SLC35D2: variants seen among roughly 807,000 people sequenced by gnomAD.
SLC35D2 encodes solute carrier family 35 member D2, also known as nucleotide sugar transporter SLC35D2.
A neutral mutation model predicts 41.8 loss-of-function variants in SLC35D2; 43 were observed. The ratio of observed to expected loss-of-function variants is 1.03; its 90% CI spans 0.81 to 1.33. SLC35D2 has a LOEUF of 1.33. SLC35D2 is among the 40% of genes most tolerant of loss of function. SLC35D2 has a pLI of 0.00. For missense variants in SLC35D2, 380 were observed against 408.4 expected, an observed-to-expected ratio of 0.93 and a Z score of 0.60; for synonymous variants, 150 against 163.9, an observed-to-expected ratio of 0.92 and a Z score of 0.65.
At chr9:96,341,034 C>A (rs1319781633) in intron 8 of SLC35D2, among the ~76,000 whole-genome samples, 1 of 152,084 alleles carries the variant, frequency 6.6e-6, no homozygotes, top group African/African-American at 2.4e-5. Context: ...CCCCTGTAAT[C>A]CCAGCACTTT....
chr9:96,338,678 G>A (rs932768791), intron 8 of SLC35D2, among the ~76,000 whole-genome samples: 15 of 151,958 alleles, frequency 9.9e-5, no homozygotes, highest in East Asian at 5.8e-4. Context: ...GTTTCCTTGC[G>A]TCATAACACT....
chr9:96,360,104 G>A, intron 4 of SLC35D2, 50 bp downstream of exon 4: 1 of 1,368,000 alleles, frequency 7.3e-7, no homozygotes, highest in Non-Finnish European at 1.0e-6. Flanking sequence ...TTGTACCACT[G>A]GCAGCACAGA....
At chr9:96,328,285 G>A (rs1479645786) in intron 9 of SLC35D2, among the ~76,000 whole-genome samples, 1 of 152,036 alleles carries the variant, frequency 6.6e-6, no homozygotes, top group African/African-American at 2.4e-5. Flanking sequence ...TGCTCAGGCT[G>A]GAGTACAGTG....
chr9:96,334,987 G>A (rs1056756157), intron 9 of SLC35D2, among the ~76,000 whole-genome samples: 4 of 152,192 alleles, frequency 2.6e-5, no homozygotes, highest in African/African-American at 9.6e-5. Context: ...GAGAACTAAT[G>A]AATGGAAGAT....
chr9:96,374,268 C>T (rs989344058), intron 1 of SLC35D2, among the ~76,000 whole-genome samples: 1 of 152,094 alleles, frequency 6.6e-6, no homozygotes, highest in Non-Finnish European at 1.5e-5. Flanking sequence ...TGGTGGCTCA[C>T]GCACGGCCTG....
chr9:96,352,039 CA>C lies in SLC35D2; in HGVS notation c.417del (p.Lys141SerfsTer20). 1 of 1,607,754 alleles carries C rather than the reference CA, an allele frequency of 6.2e-7. No homozygotes were observed. The highest frequency in any genetic ancestry group is 8.5e-7 in the Non-Finnish European group (1 of 1,175,154). On this transcript the variant is annotated frameshift_variant and splice_region_variant, in exon 5 of 12. Coordinates refer to ENST00000253270, the MANE Select transcript of SLC35D2 (RefSeq NM_007001.3). LOFTEE classifies it high-confidence loss of function. ...AGAATGGAGGAAAAACAAAATCACC[CA>C]AGTATGATGGTTTCCAGAAGTAAGG... ...PLTLLLETII[L>X]GKQYSLNIIL...
chr9:96,368,405 G>T, intron 1 of SLC35D2, 100 bp from the exon 2 acceptor site: 2 of 917,080 alleles, frequency 2.2e-6, no homozygotes, highest in Non-Finnish European at 3.3e-6. Context: ...CTGAGAAAAT[G>T]AAAATTTATC....
At chr9:96,344,271 G>C (rs1159895804) in intron 7 of SLC35D2, among the ~76,000 whole-genome samples, 1 of 152,064 alleles carries the variant, frequency 6.6e-6, no homozygotes, top group East Asian at 1.9e-4. Flanking sequence ...TTCTAATTAT[G>C]TGGGGTTTTT....
At chr9:96,321,973 G>T in intron 11 of SLC35D2, 25 bp downstream of exon 11, 1 of 1,315,558 alleles carries the variant, frequency 7.6e-7, no homozygotes, top group Non-Finnish European at 1.1e-6. Context: ...TTCCCAAAGC[G>T]AGTCCATTAA....
intron 1 of SLC35D2, among the ~76,000 whole-genome samples, chr9:96,375,687 G>T (rs1830915339): frequency 6.6e-6 from 1 of 152,088 alleles, no homozygotes. Context: ...GTGAACATGA[G>T]GAAGTGAAGA....
intron 6 of SLC35D2, among the ~76,000 whole-genome samples, chr9:96,345,737 C>T (rs1395070071): frequency 6.6e-6 from 1 of 152,166 alleles, no homozygotes; most frequent in African/African-American, 2.4e-5. Context: ...CCGATCCACC[C>T]AGGGGCTCTG....
At chr9:96,351,219 C>T (rs1829801090) in intron 5 of SLC35D2, 48 bp from the exon 6 acceptor site, 2 of 1,272,104 alleles carry the variant, frequency 1.6e-6, no homozygotes, top group Admixed American at 3.5e-5. Context: ...GAGAGGAAAA[C>T]ATTGAAATAT....
In SLC35D2 at chr9:96,352,124, G is replaced by A; in HGVS notation, c.348-15C>T. 1.3e-6 allele frequency: 2 copies of A among 1,594,868 alleles called. No homozygotes were observed. The highest frequency in any genetic ancestry group is 1.7e-6 in the Non-Finnish European group (2 of 1,164,268). On this transcript the variant is annotated splice_polypyrimidine_tract_variant and intron_variant, in intron 4 of 11. Coordinates refer to ENST00000253270, the MANE Select transcript of SLC35D2 (RefSeq NM_007001.3). ...ACATCGGTAGGCTGCCAGGAAAAGA[G>A]TGAAGCATGTCAGACACCAAGGGTT...
intron 4 of SLC35D2, among the ~76,000 whole-genome samples, chr9:96,357,706 C>T (rs1240380754): frequency 2.6e-5 from 4 of 151,888 alleles, no homozygotes; most frequent in African/African-American, 9.7e-5. Context: ...GTACAAGCAA[C>T]AAAAGAAAAA....
intron 9 of SLC35D2, among the ~76,000 whole-genome samples, chr9:96,329,973 G>A (rs1238034111): frequency 1.3e-5 from 2 of 152,228 alleles, no homozygotes; most frequent in African/African-American, 4.8e-5. Context: ...CTGCAAGTTG[G>A]AGACCCTGAG....
chr9:96,322,092 G>A lies in SLC35D2; in HGVS notation c.832-12C>T, dbSNP rs1204500501. The A allele has an allele frequency of 6.6e-7, 1 of 1,524,158 alleles. No homozygotes were observed. Among genetic ancestry groups the A allele is most frequent in the Non-Finnish European group, 9.1e-7 (1 of 1,104,656 alleles). 94.4% of individuals were successfully genotyped at this position (1,524,158 alleles called of 1,614,324 possible). On this transcript the variant is annotated splice_polypyrimidine_tract_variant and intron_variant, in intron 10 of 11. Coordinates refer to ENST00000253270, the MANE Select transcript of SLC35D2 (RefSeq NM_007001.3). ...GCAACGGATACATTCTGCAGAAAAA[G>A]AGAGAGGATTCGTCATTTTAAAAGT...
chr9:96,357,300 CAAA>C (rs1263490396), intron 4 of SLC35D2: 3 of 152,204 alleles, frequency 2.0e-5, no homozygotes, highest in African/African-American at 7.2e-5. Flanking sequence ...GTCTTTTCAA[CAAA>C]TAGTGCTGGG....
chr9:96,376,202 G>A (rs1030126760), intron 1 of SLC35D2, among the ~76,000 whole-genome samples: 1 of 151,580 alleles, frequency 6.6e-6, no homozygotes, highest in African/African-American at 2.4e-5. Context: ...GGCTGAGGCA[G>A]GAGAATTGCT....
intron 9 of SLC35D2, among the ~76,000 whole-genome samples, chr9:96,329,899 G>A (rs1828730761): frequency 6.6e-6 from 1 of 152,220 alleles, no homozygotes; most frequent in South Asian, 2.1e-4. Flanking sequence ...ATATATGAGA[G>A]GGGATTTATC....
Sources: gnomAD v4.1 joint callset for allele counts (sites outside exome capture counted in the v4.1 genomes callset) on GRCh38, gnomAD v4.1.1 for gene constraint, MANE v1.5 for transcripts, NCBI Gene and HGNC (gene_info 2026-07-23, HGNC 2026-07-21) for gene names.